Variants in ABCA9 observed in about 807,000 individuals in gnomAD.
The protein encoded by ABCA9 is ATP-binding cassette sub-family A member 9.
In ABCA9, 183 loss-of-function variants were observed where a neutral mutation model predicts 205.3. The observed-to-expected ratio is 0.89, with a 90% CI of 0.79 to 1.01. The LOEUF (loss-of-function observed/expected upper bound fraction) is 1.01. Ranked by LOEUF, ABCA9 falls within the 50% of genes least tolerant of loss-of-function variation. ABCA9 has a pLI of 0.00. For missense variants in ABCA9, 1,805 were observed against 1,912.4 expected (o/e 0.94, Z 1.05); for synonymous variants, 651 against 683.3 (o/e 0.95, Z 0.74).
chr17:69,068,939 T>C, the ABCA9 span, among the ~76,000 whole-genome samples: 1 of 152,186 alleles, frequency 6.6e-6, no homozygotes, highest in African/African-American at 2.4e-5. Flanking sequence ...AATCTTATAG[T>C]TTAGGAAGAG....
chr17:69,078,723 T>G, the ABCA9 span: 2 of 306,756 alleles, frequency 6.5e-6, no homozygotes, highest in Non-Finnish European at 1.2e-5. Context: ...TATAGTTTTA[T>G]TTCCACAATA....
upstream of ABCA9, among the ~76,000 whole-genome samples, chr17:69,063,609 GT>G (rs67440349): frequency 1.4e-5 from 2 of 144,610 alleles, no homozygotes; most frequent in East Asian, 2.2e-4. Context: ...TTTTGTGTTT[GT>G]TTTTTTTTGT....
intron 6 of ABCA9, among the ~76,000 whole-genome samples, chr17:69,038,879 C>T (rs1015538148): frequency 6.6e-6 from 1 of 152,158 alleles, no homozygotes; most frequent in Admixed American, 6.5e-5. Context: ...TCTCAGGATA[C>T]AAAATCAATG....
chr17:69,001,652 C>T (rs1372097977), intron 25 of ABCA9, among the ~76,000 whole-genome samples: 2 of 151,248 alleles, frequency 1.3e-5, no homozygotes, highest in Non-Finnish European at 3.0e-5. Context: ...AGGGAGGATT[C>T]CCTCTTTTTC....
rs141903821 is a variant in ABCA9, at chr17:69,045,269, G to T, written c.372C>A (p.Asp124Glu). The part of the protein sequence containing the change: ...MDELDLNYSI[D>E]AVRVIFTDTF... The stretch of plus-strand genomic sequence containing the variant: ...TATCAGTAAAGATGACTCTCACTGC[G>T]TCTATTGAATAGTTCAAATCCAATT... Residue 124 changes from aspartate to glutamate, a missense_variant, in exon 4 of 39, where the codon GAC becomes GAA. Asp to Glu is a conservative substitution (Grantham distance 45). Coordinates refer to ENST00000340001, the MANE Select transcript of ABCA9 (RefSeq NM_080283.4). 3.2e-5 allele frequency: 51 copies of T among 1,612,642 alleles called. No homozygotes were observed. The East Asian group carries it at 8.7e-4, about 28-fold the overall frequency.
chr17:69,073,750 A>C, the ABCA9 span, among the ~76,000 whole-genome samples: 1 of 152,230 alleles, frequency 6.6e-6, no homozygotes, highest in Admixed American at 6.5e-5. Context: ...AACTAAGATC[A>C]GAGTAAAACT....
chr17:69,021,096 G>A (rs1286582396), intron 18 of ABCA9, among the ~76,000 whole-genome samples: 2 of 151,894 alleles, frequency 1.3e-5, no homozygotes, highest in East Asian at 3.9e-4. Context: ...TATAAAATAT[G>A]TACATACATT....
At chr17:69,029,019 GT>G (rs141967149) in intron 11 of ABCA9, 149 bp downstream of exon 11, 3,075 of 406,330 alleles carry the variant, frequency 7.6e-3, no homozygotes, top group East Asian at 0.011. Context: ...TGTTTTATGG[GT>G]TTTTTTTTTA....
chr17:69,057,738 T>C (rs1676999747), intron 1 of ABCA9, among the ~76,000 whole-genome samples: 1 of 152,206 alleles, frequency 6.6e-6, no homozygotes, highest in African/African-American at 2.4e-5. Context: ...CACCCATTTG[T>C]ATTTGTGGGT....
chr17:69,026,478 A>T lies in ABCA9; in HGVS notation c.2051-11T>A, dbSNP rs764547223. The T allele has an allele frequency of 3.1e-6, 5 of 1,604,418 alleles. No homozygotes were observed. Among genetic ancestry groups the T allele is most frequent in the Non-Finnish European group, 4.3e-6 (5 of 1,172,148 alleles). The stretch of plus-strand genomic sequence containing the variant: ...TGAACACCTTCCTGTCTAGTTAGAA[A>T]TAATCAAAAGATAAGTTACATGAAG... On this transcript the variant is annotated splice_polypyrimidine_tract_variant and intron_variant, in intron 15 of 38. Coordinates refer to ENST00000340001, the MANE Select transcript of ABCA9 (RefSeq NM_080283.4).
At chr17:69,016,119 TATATAC>T (rs201422135) in intron 22 of ABCA9, 128 bp downstream of exon 22, 13,568 of 215,104 alleles carry the variant, frequency 0.063, 40 homozygotes, top group Non-Finnish European at 0.084. Flanking sequence ...TATATATATA[TATATAC>T]ACACACACAC....
chr17:69,072,140 G>A, the ABCA9 span, among the ~76,000 whole-genome samples: 2 of 152,262 alleles, frequency 1.3e-5, no homozygotes, highest in South Asian at 4.2e-4. Flanking sequence ...TGAAAGTGAC[G>A]GGGAGAATGG....
chr17:69,064,020 C>T (rs183770865), upstream of ABCA9, among the ~76,000 whole-genome samples: 6 of 152,298 alleles, frequency 3.9e-5, no homozygotes, highest in Admixed American at 2.0e-4. Flanking sequence ...ACTTTTATTA[C>T]ATGCCTAAAG....
At chr17:69,033,293 C>G in intron 9 of ABCA9, 1 of 87,996 alleles carries the variant, frequency 1.1e-5, no homozygotes, top group African/African-American at 4.3e-5. Flanking sequence ...GGTGACAGAG[C>G]GAGACTTCTC....
At chr17:68,984,290 C>A in intron 34 of ABCA9, 115 bp from the exon 35 acceptor site, 14 of 1,421,284 alleles carry the variant, frequency 9.9e-6, no homozygotes, top group Admixed American at 6.5e-5. Context: ...TCAGACTAGA[C>A]AAAAAAGGGG....
rs80196165 is a variant in ABCA9, at chr17:69,042,837, A to G, written c.800+652T>C. ...TTGTATTGCTTTAGAGATCTAAGGCAGCAGTCCCCAACCTTTTTGGCACCA... is the reference window on the plus strand; with the variant it reads ...TTGTATTGCTTTAGAGATCTAAGGCGGCAGTCCCCAACCTTTTTGGCACCA... On this transcript the variant is annotated intron_variant, in intron 6 of 38. Transcript: ENST00000340001. 562 of 152,668 alleles carry G rather than the reference A, an allele frequency of 3.7e-3. 15 individuals are homozygous for G. In the East Asian group the frequency reaches 0.073, roughly 20 times the overall value. 9.5% of individuals were successfully genotyped at this position (152,668 alleles called of 1,614,324 possible).
intron 3 of ABCA9, among the ~76,000 whole-genome samples, chr17:69,048,966 G>T (rs2071810623): frequency 6.6e-6 from 1 of 152,092 alleles, no homozygotes; most frequent in Admixed American, 6.6e-5. Flanking sequence ...CTCTTAATAT[G>T]TATGTATTTG....
chr17:69,019,864 C>CATTA (rs2070758279), intron 19 of ABCA9: 1 of 152,764 alleles, frequency 6.5e-6, no homozygotes, highest in Non-Finnish European at 1.5e-5. Flanking sequence ...CCAACTACAA[C>CATTA]ATTAACTCTA....
chr17:69,060,524 A>C (rs528498681), intron 1 of ABCA9, among the ~76,000 whole-genome samples: 1 of 77,406 alleles, frequency 1.3e-5, no homozygotes, highest in African/African-American at 3.9e-5. Flanking sequence ...AAAATTAAAA[A>C]CAAACAAAGA....
Sources: allele counts gnomAD v4.1 joint callset (sites outside exome capture counted in the v4.1 genomes callset), GRCh38; gene constraint gnomAD v4.1.1; transcripts MANE v1.5; gene names NCBI Gene and HGNC (gene_info 2026-07-23, HGNC 2026-07-21).